ZNF423: variants seen among roughly 807,000 people sequenced by gnomAD.
ZNF423 encodes zinc finger protein 423.
In ZNF423, 12 loss-of-function variants were observed where a neutral mutation model predicts 95.8. That is an observed-to-expected ratio of 0.13 (90% CI 0.08 to 0.20). The LOEUF is 0.20. Ranked by LOEUF, ZNF423 falls within the 10% of genes least tolerant of loss-of-function variation. ZNF423 has a pLI of 1.00. For missense variants in ZNF423, 1,316 were observed against 1,737.1 expected (o/e 0.76, Z 4.31); for synonymous variants, 749 against 711.9 (o/e 1.05, Z -0.83).
intron 5 of ZNF423, among the ~76,000 whole-genome samples, chr16:49,601,156 G>A (rs1971358566): frequency 6.6e-6 from 1 of 152,130 alleles, no homozygotes; most frequent in African/African-American, 2.4e-5. Context: ...GTCTCCTAGA[G>A]AACCCGGCTC....
chr16:49,815,945 G>C (rs558147862), intron 1 of ZNF423, among the ~76,000 whole-genome samples: 6 of 92,346 alleles, frequency 6.5e-5, no homozygotes, highest in African/African-American at 2.2e-4. Flanking sequence ...TTGAGACAAA[G>C]TCTCACTCTG....
Position 49,814,805 on chromosome 16 carries a change from G to A in ZNF423, c.41-25259C>T, listed in dbSNP as rs145495586. The stretch of plus-strand genomic sequence containing the variant: ...GACCCAAAACAGGGCTCTGATAGGG[G>A]TGAGCCTGGCATGTGAGCAGGGAGC... On this transcript the variant is annotated intron_variant, in intron 1 of 7. Coordinates refer to ENST00000563137, the MANE Select transcript of ZNF423 (RefSeq NM_001379286.1). Among the ~76,000 whole-genome samples the A allele has an allele frequency of 2.0e-5, 3 of 152,240 alleles. 1 individual carries two copies. The East Asian group carries it at 5.8e-4, about 29-fold the overall frequency.
intron 3 of ZNF423, among the ~76,000 whole-genome samples, chr16:49,729,467 G>A (rs2033106912): frequency 6.6e-6 from 1 of 151,856 alleles, no homozygotes; most frequent in East Asian, 1.9e-4. Flanking sequence ...TATTTCCCTT[G>A]GGGAAGTGAG....
chr16:49,602,515 G>A (rs1379519322), intron 5 of ZNF423, among the ~76,000 whole-genome samples: 2 of 152,182 alleles, frequency 1.3e-5, no homozygotes, highest in African/African-American at 2.4e-5. Context: ...TTCGGGTGGG[G>A]GGCAGTTTCA....
intron 5 of ZNF423, among the ~76,000 whole-genome samples, chr16:49,561,891 G>T (rs1970028598): frequency 1.3e-5 from 2 of 152,168 alleles, no homozygotes; most frequent in African/African-American, 4.8e-5. Context: ...GGTAATTGCT[G>T]GCTATTTTCT....
chr16:49,637,907 G>C lies in ZNF423; in HGVS notation c.1269C>G (p.Ser423=). The change falls in exon 4 of 8, where the codon TCC becomes TCG. Residue 423 remains serine (S), a synonymous_variant. Transcript: ENST00000563137. The surrounding 1 kb of genome is among the most constrained non-coding windows in gnomAD (Gnocchi z 5.6). ...TKVVYSCPYC[S]KRDFNSLAVL... ...CGGCCAGGCTGTTAAAGTCCCGCTT[G>C]GAACAATAGGGGCAGCTATAGACCA... 1.9e-6 allele frequency: 3 copies of C among 1,614,186 alleles called. No individual in the cohort carries two copies. Among genetic ancestry groups the C allele is most frequent in the Non-Finnish European group, 1.7e-6 (2 of 1,180,036 alleles).
chr16:49,649,641 A>G (rs1419628017), intron 3 of ZNF423, among the ~76,000 whole-genome samples: 1 of 18,676 alleles, frequency 5.4e-5, no homozygotes, highest in Admixed American at 2.8e-4. Flanking sequence ...TTTGAAGTAC[A>G]CACACACACA....
intron 2 of ZNF423, among the ~76,000 whole-genome samples, chr16:49,780,795 G>A (rs1044719439): frequency 4.6e-5 from 7 of 152,248 alleles, no homozygotes; most frequent in African/African-American, 1.7e-4. Context: ...GAGCTAATGA[G>A]AAACTCCCCA....
In ZNF423 at chr16:49,807,809, G is replaced by A. The variant is rs111904083; in HGVS notation, c.41-18263C>T. On this transcript the variant is annotated intron_variant, in intron 1 of 7. Coordinates refer to ENST00000563137, the MANE Select transcript of ZNF423 (RefSeq NM_001379286.1). ...AAGCATGCCAACCATCCCAGGGGCC[G>A]TGACAGGGTCTGCCTGGGCACAGGC... Among the ~76,000 whole-genome samples the A allele has an allele frequency of 3.9e-3, 592 of 152,296 alleles. 3 individuals carry two copies. Among genetic ancestry groups the A allele is most frequent in the Non-Finnish European group, 6.6e-3 (447 of 68,022 alleles).
At chr16:49,691,446 T>C (rs1408579949) in intron 3 of ZNF423, among the ~76,000 whole-genome samples, 1 of 152,180 alleles carries the variant, frequency 6.6e-6, no homozygotes. Context: ...AAACAGAGGA[T>C]CCTCGGCCGG....
intron 1 of ZNF423, among the ~76,000 whole-genome samples, chr16:49,849,736 G>T (rs117916237): frequency 6.6e-6 from 1 of 152,212 alleles, no homozygotes; most frequent in East Asian, 1.9e-4. Context: ...ACAACAAAGG[G>T]AAATTATATC....
chr16:49,833,713 C>A (rs1407877032), intron 1 of ZNF423, among the ~76,000 whole-genome samples: 1 of 151,954 alleles, frequency 6.6e-6, no homozygotes, highest in Admixed American at 6.5e-5. Flanking sequence ...ATTAGGGAAG[C>A]ACTGGTTCCC....
At position 49,523,652 on chromosome 16, in the gene ZNF423, T is replaced by C; in HGVS notation, c.3821A>G (p.Gln1274Arg). ...DKIYDCSQCPQKFFFQTELQN... is the reference protein window; with the variant it reads ...DKIYDCSQCPRKFFFQTELQN... ...CAGCTCGGTCTGGAAGAAGAACTTCTGAGGGCACTGTGAGCAGTCGTAGAT... is the reference window on the plus strand; with the variant it reads ...CAGCTCGGTCTGGAAGAAGAACTTCCGAGGGCACTGTGAGCAGTCGTAGAT... The change falls in exon 7 of 8, where the codon CAG (glutamine) becomes CGG (arginine). Residue 1274 changes from glutamine to arginine, a missense_variant. By Grantham distance (43) the Gln-to-Arg change is conservative. Transcript: ENST00000563137. The C allele has an allele frequency of 6.2e-7, 1 of 1,614,208 alleles. No individual in the cohort carries two copies. Among genetic ancestry groups the C allele is most frequent in the Non-Finnish European group, 8.5e-7 (1 of 1,180,042 alleles).
In ZNF423 at chr16:49,489,376, A is replaced by G. The variant is rs1354471841; in HGVS notation, c.*1899T>C. 2 of 152,228 alleles carry G rather than the reference A, an allele frequency of 1.3e-5. No homozygotes were observed. The highest frequency in any genetic ancestry group is 2.4e-5 in the African/African-American group (1 of 41,454). The allele number at this position is 152,228 out of a possible 1,614,324, so 9.4% of individuals were successfully genotyped here. A position where few individuals can be genotyped will look rare whatever the true frequency, so the allele number is the denominator to read the frequency against. On this transcript the variant is annotated 3_prime_UTR_variant, in exon 8 of 8. Transcript: ENST00000563137. ...TCCACGGGTGGGCACACTTAGAGGA[A>G]CACTGGTGTCTACCCTGGGGTCTTC...
chr16:49,653,375 C>T (rs1346969334), intron 3 of ZNF423, among the ~76,000 whole-genome samples: 1 of 151,492 alleles, frequency 6.6e-6, no homozygotes, highest in African/African-American at 2.4e-5. Context: ...ATCCTCCAGC[C>T]GCCGGAGGGA....
intron 5 of ZNF423, among the ~76,000 whole-genome samples, chr16:49,552,154 G>C (rs960733457): frequency 6.6e-6 from 1 of 152,182 alleles, no homozygotes; most frequent in African/African-American, 2.4e-5. Context: ...ACTGTCCCAC[G>C]TGCAGCTGTT....
chr16:49,627,792 T>A (rs28971165), intron 4 of ZNF423, among the ~76,000 whole-genome samples: 78,002 of 144,044 alleles, frequency 0.54, 22,606 homozygotes, highest in African/African-American at 0.79. Flanking sequence ...CTACATACAT[T>A]CCCACCCATC....
At chr16:49,583,676 G>T (rs970461516) in intron 5 of ZNF423, among the ~76,000 whole-genome samples, 1 of 152,146 alleles carries the variant, frequency 6.6e-6, no homozygotes, top group African/African-American at 2.4e-5. Context: ...CAGGGAGAAA[G>T]GGTGGATACT....
intron 3 of ZNF423, among the ~76,000 whole-genome samples, chr16:49,654,254 G>A (rs889546067): frequency 6.6e-6 from 1 of 152,312 alleles, no homozygotes; most frequent in Non-Finnish European, 1.5e-5. Context: ...CACTGCCCCC[G>A]AAAGCCCAAC....
Sources: allele counts gnomAD v4.1 joint callset (sites outside exome capture counted in the v4.1 genomes callset), GRCh38; gene constraint gnomAD v4.1.1; non-coding constraint Gnocchi (gnomAD v3.1); transcripts MANE v1.5; gene names NCBI Gene and HGNC (gene_info 2026-07-23, HGNC 2026-07-21).